The following SELENOP variants were observed in gnomAD, a reference collection of about 807,000 sequenced individuals.
SELENOP encodes selenoprotein P, plasma, 1.
Under a neutral mutation model 41.0 loss-of-function variants are expected in SELENOP, and 36 were observed. The observed-to-expected ratio is 0.88, with a 90% CI of 0.67 to 1.16. The LOEUF (loss-of-function observed/expected upper bound fraction) is 1.16, where lower values mean the gene tolerates loss of function less well. Among genes scored for constraint, SELENOP ranks in the 50% most tolerant of loss-of-function variants. The probability of loss-of-function intolerance (pLI) is 0.00; values close to 1 mark genes in which losing one functional copy is unlikely to be tolerated. For missense variants in SELENOP, 440 were observed against 454.2 expected (o/e 0.97, Z 0.28); for synonymous variants, 144 against 150.8 (o/e 0.95, Z 0.33).
rs1307332999 is a variant in SELENOP, at chr5:42,799,974, A to T, written c.*746T>A. 4.9e-6 allele frequency: 3 copies of T among 608,830 alleles called. No homozygotes were observed. Among genetic ancestry groups the T allele is most frequent in the Middle Eastern group, 4.5e-4 (1 of 2,198 alleles). The allele number at this position is 608,830 out of a possible 1,614,324, so 37.7% of individuals were successfully genotyped here. ...TGCTTAATAGTATTAACCATAAAGGAGGTCAGGTTTATAGGGTTTGGTTTA... is the reference window on the plus strand; with the variant it reads ...TGCTTAATAGTATTAACCATAAAGGTGGTCAGGTTTATAGGGTTTGGTTTA... On this transcript the variant is annotated 3_prime_UTR_variant, in exon 5 of 5. Coordinates refer to ENST00000514985, the MANE Select transcript of SELENOP (RefSeq NM_005410.4).
At chr5:42,802,639 T>A (rs552799739) in intron 4 of SELENOP, among the ~76,000 whole-genome samples, 3 of 152,214 alleles carry the variant, frequency 2.0e-5, no homozygotes, top group African/African-American at 7.2e-5. Context: ...AGTGACGGAG[T>A]CTCACTCTTT....
chr5:42,806,217 T>C (rs905461091), intron 3 of SELENOP: 13 of 152,316 alleles, frequency 8.5e-5, no homozygotes, highest in African/African-American at 3.1e-4. Context: ...TCCTGCAAAA[T>C]AGTGGATGAT....
chr5:42,803,405 TCTC>T (rs1760256419), intron 4 of SELENOP, among the ~76,000 whole-genome samples: 1 of 152,112 alleles, frequency 6.6e-6, no homozygotes, highest in South Asian at 2.1e-4. Context: ...ATTACCTCAG[TCTC>T]CTCATCTTTA....
chr5:42,802,394 A>G (rs1760227394), intron 4 of SELENOP: 1 of 152,228 alleles, frequency 6.6e-6, no homozygotes. Flanking sequence ...GATGTTTTGA[A>G]GGTTTTAAAA....
rs774647042 is a variant in SELENOP at position 42,804,724 on chromosome 5, A to C, written c.466T>G (p.Phe156Val). The C allele has an allele frequency of 1.9e-5, 31 of 1,611,872 alleles. No homozygotes were observed. In the Admixed American group the frequency reaches 5.0e-4, roughly 26 times the overall value. The change falls in exon 4 of 5, where the codon TTC becomes GTC. Residue 156 changes from phenylalanine to valine, a missense_variant. Phe to Val is a conservative substitution (Grantham distance 50). Transcript: ENST00000514985. ...TTAATGGCTTCTTCTACATATGGGA[A>C]AGTTAGGAAGGAAAAAGGCAAACCA... ...HLGLPFSFLTFPYVEEAIKIA... is the reference protein window; with the variant it reads ...HLGLPFSFLTVPYVEEAIKIA...
rs1760163112 is a variant in SELENOP, at chr5:42,800,641, C to CT, written c.*78dup. On this transcript the variant is annotated 3_prime_UTR_variant, in exon 5 of 5. Transcript: ENST00000514985. ...AAATCTAATTTCTATTTTTGGTTCA[C>CT]TAATTTGGTAGTTTATAAAAATGCT... 1 of 1,468,286 alleles carries CT rather than the reference C, an allele frequency of 6.8e-7. No individual in the cohort carries two copies. Among genetic ancestry groups the CT allele is most frequent in the Non-Finnish European group, 9.1e-7 (1 of 1,097,300 alleles). The allele number at this position is 1,468,286 out of a possible 1,614,324, so 91.0% of individuals were successfully genotyped here. A position where few individuals can be genotyped will look rare whatever the true frequency, so the allele number is the denominator to read the frequency against.
chr5:42,807,834 T>C (rs1485112984), intron 2 of SELENOP: 1 of 165,444 alleles, frequency 6.0e-6, no homozygotes, highest in Non-Finnish European at 1.3e-5. Flanking sequence ...GCCTCTTGTA[T>C]TGAAGTAACT....
rs1760290911 is a variant in SELENOP, at chr5:42,804,642, A to G, written c.534+14T>C. 1 of 1,423,970 alleles carries G rather than the reference A, an allele frequency of 7.0e-7. No individual in the cohort carries two copies. Among genetic ancestry groups the G allele is most frequent in the Non-Finnish European group, 9.8e-7 (1 of 1,025,426 alleles). The allele number at this position is 1,423,970 out of a possible 1,614,324, so 88.2% of individuals were successfully genotyped here. ...TTCCTCTTTTCTCCCCAGAAAAATA[A>G]TTCAGAAAAATACCGTGAGAGAGCA... On this transcript the variant is annotated intron_variant, in intron 4 of 4. Coordinates refer to ENST00000514985, the MANE Select transcript of SELENOP (RefSeq NM_005410.4).
rs186459586 is a variant in SELENOP at position 42,804,620 on chromosome 5, C to T, written c.534+36G>A. The T allele has an allele frequency of 4.2e-5, 51 of 1,215,026 alleles. No homozygotes were observed. The African/African-American group carries it at 6.7e-4, about 16-fold the overall frequency. 75.3% of individuals were successfully genotyped at this position (1,215,026 alleles called of 1,614,324 possible). A position where few individuals can be genotyped will look rare whatever the true frequency, so the allele number is the denominator to read the frequency against. On this transcript the variant is annotated intron_variant, in intron 4 of 4. Coordinates refer to ENST00000514985, the MANE Select transcript of SELENOP (RefSeq NM_005410.4). ...TCATGATAAACTCTTAAAAGATTTC[C>T]TCTTTTCTCCCCAGAAAAATAATTC...
At chr5:42,806,847 C>T (rs559161074) in intron 3 of SELENOP, 49 bp downstream of exon 3, 32 of 1,073,546 alleles carry the variant, frequency 3.0e-5, no homozygotes, top group East Asian at 9.6e-5. Context: ...TAAATAGATA[C>T]GAAACAGTTA....
rs1357415230 is a variant in SELENOP, at chr5:42,811,833, T to TA, written c.-14+2dup. ...TATCAGAAAACACGAAGTTCCTACT[T>TA]ACACAACCACTTCCAACGGGCCTGC... On this transcript the variant is annotated splice_region_variant and intron_variant, in intron 1 of 4. Coordinates refer to ENST00000514985, the MANE Select transcript of SELENOP (RefSeq NM_005410.4). 1 of 152,230 alleles carries TA rather than the reference T, an allele frequency of 6.6e-6. No individual in the cohort carries two copies. The highest frequency in any genetic ancestry group is 1.5e-5 in the Non-Finnish European group (1 of 68,052). The allele number at this position is 152,230 out of a possible 1,614,324, so 9.4% of individuals were successfully genotyped here. A position where few individuals can be genotyped will look rare whatever the true frequency, so the allele number is the denominator to read the frequency against.
In SELENOP at chr5:42,801,244, C is replaced by T. The variant is rs747466362; in HGVS notation, c.622G>A (p.Glu208Lys). The change falls in exon 5 of 5, where the codon GAG (glutamate) becomes AAG (lysine). Residue 208 changes from glutamate to lysine, a missense_variant. By Grantham distance (56) the Glu-to-Lys change is moderately conservative. Transcript: ENST00000514985. ...VETPSPHYHH[E>K]HHHNHGHQHL... is the part of the protein sequence containing the mutation. ...TGATGTCCATGATTGTGATGATGCTCATGATGGTAATGAGGCGATGGAGTT... is the reference window on the plus strand; with the variant it reads ...TGATGTCCATGATTGTGATGATGCTTATGATGGTAATGAGGCGATGGAGTT... 1 of 1,614,094 alleles carries T rather than the reference C, an allele frequency of 6.2e-7. No individual in the cohort carries two copies. The highest frequency in any genetic ancestry group is 1.7e-5 in the Admixed American group (1 of 60,012).
At chr5:42,801,403 A>T (rs1187334124) in intron 4 of SELENOP, 72 bp from the exon 5 acceptor site, 1 of 1,162,762 alleles carries the variant, frequency 8.6e-7, no homozygotes, top group Non-Finnish European at 1.2e-6. Context: ...AATGATTTGT[A>T]GAGCTAACAT....
rs755396959 is a variant in SELENOP, at chr5:42,801,095, G to A, written c.771C>T (p.His257=). Residue 257 remains histidine (H), a synonymous_variant, in exon 5 of 5, where the codon CAC becomes CAT. Coordinates refer to ENST00000514985, the MANE Select transcript of SELENOP (RefSeq NM_005410.4). ...TTGCTGGCATATCTCGGTTCTCTGG[G>A]TGACCCTGCCTATGCTGACCCTTGT... ...HKHKGQHRQG[H]PENRDMPASE... is the part of the protein sequence containing the mutation. 24 of 1,614,006 alleles carry A rather than the reference G, an allele frequency of 1.5e-5. No homozygotes were observed. In the South Asian group the frequency reaches 2.6e-4, roughly 18 times the overall value.
At chr5:42,801,375 T>C (rs759541323) in intron 4 of SELENOP, 44 bp from the exon 5 acceptor site, 75 of 1,381,276 alleles carry the variant, frequency 5.4e-5, no homozygotes, top group Non-Finnish European at 7.2e-5. Flanking sequence ...CTTATAGAGA[T>C]AGGAATAATG....
In SELENOP at chr5:42,800,301, A is replaced by G. The variant is rs1760151879; in HGVS notation, c.*419T>C. On this transcript the variant is annotated 3_prime_UTR_variant, in exon 5 of 5. Transcript: ENST00000514985. ...AAAATCCACTTATTTTATTAGTTAAAAGTAGAAGATTGAAAAGACAAAGTA... is the reference window on the plus strand; with the variant it reads ...AAAATCCACTTATTTTATTAGTTAAGAGTAGAAGATTGAAAAGACAAAGTA... 1 of 158,476 alleles carries G rather than the reference A, an allele frequency of 6.3e-6. No homozygotes were observed. The highest frequency in any genetic ancestry group is 2.4e-5 in the African/African-American group (1 of 41,622). 9.8% of individuals were successfully genotyped at this position (158,476 alleles called of 1,614,324 possible).
chr5:42,805,172 C>G (rs1255860434), intron 3 of SELENOP: 1 of 153,596 alleles, frequency 6.5e-6, no homozygotes, highest in Admixed American at 6.5e-5. Context: ...TTTGACACAA[C>G]AAGAAATCAT....
At chr5:42,810,605 T>G (rs12516157) in intron 1 of SELENOP, 40,687 of 156,174 alleles carry the variant, frequency 0.26, 5,906 homozygotes, top group Admixed American at 0.38. Flanking sequence ...GATTACAGGC[T>G]CTCGCCACCA....
Position 42,801,273 on chromosome 5 carries a change from A to G in SELENOP, c.593T>C (p.Val198Ala). The G allele has an allele frequency of 6.2e-7, 1 of 1,614,078 alleles. No homozygotes were observed. The highest frequency in any genetic ancestry group is 8.5e-7 in the Non-Finnish European group (1 of 1,180,002). The change falls in exon 5 of 5, where the codon GTT becomes GCT. Residue 198 changes from valine (V) to alanine (A), a missense_variant. Coordinates refer to ENST00000514985, the MANE Select transcript of SELENOP (RefSeq NM_005410.4). Reference sequence around the variant, plus strand: ...ATGGTAATGAGGCGATGGAGTTTCAACTGTTTTATCCACAGTAGCCAAAGA... The same window carrying G: ...ATGGTAATGAGGCGATGGAGTTTCAGCTGTTTTATCCACAGTAGCCAAAGA... ...RVSLATVDKT[V>A]ETPSPHYHHE...
Sources: gnomAD v4.1 joint callset for allele counts (sites outside exome capture counted in the v4.1 genomes callset) on GRCh38, gnomAD v4.1.1 for gene constraint, MANE v1.5 for transcripts, NCBI Gene and HGNC (gene_info 2026-07-23, HGNC 2026-07-21) for gene names.